The following MAGI1 variants were observed in gnomAD, a reference collection of about 807,000 sequenced individuals.
The protein encoded by MAGI1 is membrane associated guanylate kinase, WW and PDZ domain containing 1, also known as membrane-associated guanylate kinase, WW and PDZ domain-containing protein 1.
In MAGI1, 58 loss-of-function variants were observed where a neutral mutation model predicts 139.9. The ratio of observed to expected loss-of-function variants is 0.41; its 90% CI spans 0.34 to 0.52. MAGI1 has a LOEUF of 0.52. MAGI1 is among the 20% of genes least tolerant of loss of function. The pLI is 0.12. For synonymous variants in MAGI1, 812 were observed against 737.9 expected (o/e 1.10, Z -1.63); for missense variants, 1,874 against 1,901.6 (o/e 0.99, Z 0.27).
At chr3:65,530,959 A>T (rs918551458) in intron 2 of MAGI1, among the ~76,000 whole-genome samples, 1 of 150,730 alleles carries the variant, frequency 6.6e-6, no homozygotes, top group Non-Finnish European at 1.5e-5. Flanking sequence ...TAGTTCCCAT[A>T]AATTTCTATT....
At chr3:65,458,464 C>T (rs779588353) in intron 5 of MAGI1, among the ~76,000 whole-genome samples, 2 of 151,632 alleles carry the variant, frequency 1.3e-5, no homozygotes, top group Non-Finnish European at 2.9e-5. Flanking sequence ...TCCACATCCT[C>T]GCCAGCATTT....
chr3:65,408,496 A>G (rs9876177), intron 12 of MAGI1, among the ~76,000 whole-genome samples: 60,803 of 151,934 alleles, frequency 0.4, 12,640 homozygotes, highest in East Asian at 0.56. Context: ...AGGCAAAGTC[A>G]CAATGGGGTG....
At chr3:65,909,248 G>A (rs773324192) in intron 1 of MAGI1, among the ~76,000 whole-genome samples, 11 of 152,058 alleles carry the variant, frequency 7.2e-5, no homozygotes, top group Non-Finnish European at 1.6e-4. Flanking sequence ...ATATAGTCTG[G>A]GCATGGTGGC....
intron 7 of MAGI1, among the ~76,000 whole-genome samples, chr3:65,445,868 A>T (rs1948644934): frequency 6.6e-6 from 1 of 152,204 alleles, no homozygotes; most frequent in African/African-American, 2.4e-5. Context: ...TCCTTGTCAC[A>T]TCTGGAATTA....
chr3:65,995,198 A>G (rs1419879969), intron 1 of MAGI1, among the ~76,000 whole-genome samples: 2 of 152,208 alleles, frequency 1.3e-5, no homozygotes, highest in Non-Finnish European at 2.9e-5. Context: ...CTCCCTGGTG[A>G]AGACAGACAA....
intron 1 of MAGI1, chr3:65,844,168 C>T: frequency 1.9e-6 from 1 of 518,508 alleles, no homozygotes; most frequent in Non-Finnish European, 3.8e-6. Flanking sequence ...TTTTGCTGCA[C>T]ATGTGTAAAA....
intron 1 of MAGI1, among the ~76,000 whole-genome samples, chr3:65,924,466 G>A (rs2062393319): frequency 6.6e-6 from 1 of 152,170 alleles, no homozygotes; most frequent in Admixed American, 6.5e-5. Flanking sequence ...GAATATCATT[G>A]GGAGGTGAAT....
At chr3:65,991,485 C>A (rs1320084241) in intron 1 of MAGI1, among the ~76,000 whole-genome samples, 1 of 151,988 alleles carries the variant, frequency 6.6e-6, no homozygotes, top group Non-Finnish European at 1.5e-5. Context: ...CTTATGAAAC[C>A]TAGGTGACAG....
intron 1 of MAGI1, among the ~76,000 whole-genome samples, chr3:65,637,603 A>G (rs933583237): frequency 1.3e-5 from 2 of 151,252 alleles, no homozygotes; most frequent in African/African-American, 4.9e-5. Context: ...AAAGAAAGAA[A>G]GAAAGAAAGA....
intron 2 of MAGI1, among the ~76,000 whole-genome samples, chr3:65,543,873 C>A (rs1018993614): frequency 9.2e-5 from 14 of 152,088 alleles, no homozygotes; most frequent in Admixed American, 3.3e-4. Context: ...GCACATTCTG[C>A]ACATGTATCC....
chr3:65,638,423 C>T (rs1288759395), intron 1 of MAGI1, among the ~76,000 whole-genome samples: 1 of 151,740 alleles, frequency 6.6e-6, no homozygotes, highest in Non-Finnish European at 1.5e-5. Context: ...TATCTCCAGA[C>T]TGCAAACTAA....
chr3:65,835,896 C>T (rs17373033), intron 1 of MAGI1, among the ~76,000 whole-genome samples: 72,631 of 151,882 alleles, frequency 0.48, 18,877 homozygotes, highest in East Asian at 0.77. Context: ...TTGCAGATTA[C>T]ATTAAGCACC....
intron 1 of MAGI1, among the ~76,000 whole-genome samples, chr3:66,020,321 C>T (rs1452458410): frequency 6.6e-6 from 1 of 152,150 alleles, no homozygotes; most frequent in African/African-American, 2.4e-5. Context: ...CCTACAATCC[C>T]AGCTACTTGG....
At chr3:65,920,137 G>A (rs921743112) in intron 1 of MAGI1, among the ~76,000 whole-genome samples, 3 of 152,110 alleles carry the variant, frequency 2.0e-5, no homozygotes, top group Non-Finnish European at 4.4e-5. Context: ...ACCCACAACA[G>A]TCCTGTTCAC....
chr3:65,472,370 G>A (rs190333485), intron 4 of MAGI1, among the ~76,000 whole-genome samples: 23 of 152,254 alleles, frequency 1.5e-4, no homozygotes, highest in African/African-American at 5.5e-4. Flanking sequence ...TGTCCTCCAG[G>A]AAACAGGTTT....
intron 5 of MAGI1, among the ~76,000 whole-genome samples, chr3:65,469,119 C>T (rs1256646083): frequency 6.6e-6 from 1 of 152,016 alleles, no homozygotes; most frequent in Non-Finnish European, 1.5e-5. Context: ...ACTTTCTGTG[C>T]CTAGAACTTG....
Position 65,732,588 on chromosome 3 carries a change from A to G in MAGI1, c.314-110500T>C, listed in dbSNP as rs139572369. Among the ~76,000 whole-genome samples, 14 of 152,362 alleles carry G rather than the reference A, an allele frequency of 9.2e-5. No individual in the cohort carries two copies. In the East Asian group the frequency reaches 2.1e-3, roughly 23 times the overall value. ...GCTAATCACAGCGCGGCACTTACCT[A>G]GAAAACAAGAATGTGAAGTTGAATA... On this transcript the variant is annotated intron_variant, in intron 1 of 22. Transcript: ENST00000402939.
Position 65,361,266 on chromosome 3 carries a change from C to A in MAGI1, c.3567G>T (p.Leu1189=), listed in dbSNP as rs762770187. ...KNMKHSRAIE[L]IKNGGRRVRL... ...GAACTCTGCGGCCACCATTCTTAAT[C>A]AGTTCTATAGCTCGAGAATGCTTCA... The change falls in exon 22 of 23, where the codon CTG becomes CTT. Residue 1189 remains leucine, a synonymous_variant. Coordinates refer to ENST00000402939, the MANE Select transcript of MAGI1 (RefSeq NM_001033057.2). The A allele has an allele frequency of 1.9e-6, 3 of 1,614,196 alleles. No homozygotes were observed. In the Admixed American group the frequency reaches 5.0e-5, roughly 27 times the overall value.
At chr3:66,018,314 G>A (rs2067777602) in intron 1 of MAGI1, among the ~76,000 whole-genome samples, 1 of 152,258 alleles carries the variant, frequency 6.6e-6, no homozygotes, top group Admixed American at 6.5e-5. Context: ...CTGACTGCCT[G>A]GTTAACAGCA....
Sources: allele counts gnomAD v4.1 joint callset (sites outside exome capture counted in the v4.1 genomes callset), GRCh38; gene constraint gnomAD v4.1.1; transcripts MANE v1.5; gene names NCBI Gene and HGNC (gene_info 2026-07-23, HGNC 2026-07-21).